Variants in SACS observed in about 807,000 individuals in gnomAD.
SACS encodes sacsin molecular chaperone, also known as sacsin.
SACS carries 197 observed loss-of-function variants against 348.0 expected under a neutral mutation model. That is an observed-to-expected ratio of 0.57 (90% confidence interval 0.50 to 0.64). SACS has a LOEUF of 0.64. Ranked by LOEUF, SACS falls within the 30% of genes least tolerant of loss-of-function variation. SACS has a pLI of 0.00. For synonymous variants in SACS, 1,985 were observed against 1,910.6 expected (o/e 1.04, Z -1.02); for missense variants, 4,999 against 5,360.8 (o/e 0.93, Z 2.11).
At chr13:23,353,581 T>C (rs956833332) in intron 9 of SACS, among the ~76,000 whole-genome samples, 1 of 152,214 alleles carries the variant, frequency 6.6e-6, no homozygotes, top group African/African-American at 2.4e-5. Context: ...GGAGAGATTT[T>C]TACACTTATC....
intron 2 of SACS, among the ~76,000 whole-genome samples, chr13:23,408,121 T>C (rs1048399471): frequency 2.0e-5 from 3 of 152,182 alleles, no homozygotes; most frequent in African/African-American, 7.2e-5. Flanking sequence ...CAGAATATGA[T>C]TTTGAGCAAG....
At chr13:23,366,571 A>C (rs6490792) in intron 5 of SACS, among the ~76,000 whole-genome samples, 133,020 of 152,218 alleles carry the variant, frequency 0.87, 58,522 homozygotes, top group East Asian at 1. Context: ...GGTAGTGAAA[A>C]ACAATGTTAA....
chr13:23,358,854 A>G (rs1462541663), intron 6 of SACS, among the ~76,000 whole-genome samples: 2 of 152,154 alleles, frequency 1.3e-5, no homozygotes, highest in African/African-American at 2.4e-5. Flanking sequence ...TAAATATAAA[A>G]TATTTCATAT....
At position 23,336,887 on chromosome 13, in the gene SACS, T is replaced by C. The variant is rs765247192; in HGVS notation, c.6989A>G (p.Asn2330Ser). The C allele has an allele frequency of 6.2e-7, 1 of 1,613,514 alleles. No homozygotes were observed. Among genetic ancestry groups the C allele is most frequent in the Non-Finnish European group, 8.5e-7 (1 of 1,179,542 alleles). ...AATAATTGACATCTTAGTGATTTCA[T>C]TTTGCATCAAGGCTTCATGAAGGTA... ...YKYLHEALMQ[N>S]EITKMSIIDK... Residue 2330 changes from asparagine (N) to serine (S), a missense_variant, in exon 10 of 10, where the codon AAT becomes AGT. Around this residue, in one of 6 missense-constraint regions of SACS, gnomAD observed 3,156 missense variants for 3,380.1 expected, o/e 0.93. Transcript: ENST00000382292.
At position 23,333,878 on chromosome 13, in the gene SACS, G is replaced by A. The variant is rs755102619; in HGVS notation, c.9998C>T (p.Ala3333Val). The A allele has an allele frequency of 1.2e-6, 2 of 1,613,816 alleles. No homozygotes were observed. Among genetic ancestry groups the A allele is most frequent in the Non-Finnish European group, 1.7e-6 (2 of 1,179,832 alleles). The change falls in exon 10 of 10, where the codon GCT (alanine) becomes GTT (valine). Residue 3333 changes from alanine (A) to valine (V), a missense_variant. Transcript: ENST00000382292. Reference sequence around the variant, plus strand: ...GTCTTTGGAACAGATTTTGTTCAAAGCAAGCTGAATACAGCCAGCTTTCAT... The same window carrying A: ...GTCTTTGGAACAGATTTTGTTCAAAACAAGCTGAATACAGCCAGCTTTCAT... ...ALMKAGCIQL[A>V]LNKICSKDSA...
intron 2 of SACS, among the ~76,000 whole-genome samples, chr13:23,387,463 G>GAAAAAAA (rs60355580): frequency 1.1e-5 from 1 of 91,364 alleles, no homozygotes; most frequent in Non-Finnish European, 2.0e-5. Context: ...CTCCGTCTCA[G>GAAAAAAA]AAAAAAAAAA....
At chr13:23,388,268 A>C (rs1006795280) in intron 2 of SACS, among the ~76,000 whole-genome samples, 27 of 148,984 alleles carry the variant, frequency 1.8e-4, no homozygotes, top group Middle Eastern at 3.4e-3. Context: ...GGGCAGGCGG[A>C]GTTTGCAGTG....
intron 2 of SACS, among the ~76,000 whole-genome samples, chr13:23,384,743 T>C (rs1872202557): frequency 6.6e-6 from 1 of 152,218 alleles, no homozygotes; most frequent in South Asian, 2.1e-4. Flanking sequence ...ATCATTGGCA[T>C]TCATGCAGGA....
chr13:23,332,785 G>C lies in SACS; in HGVS notation c.11091C>G (p.Leu3697=). The change falls in exon 10 of 10, where the codon CTC becomes CTG. Residue 3697 remains leucine, a synonymous_variant. Coordinates refer to ENST00000382292, the MANE Select transcript of SACS (RefSeq NM_014363.6). ...TAGGGCAGGATGTCCATAACAGCTG[G>C]AGTACATCACATTGCTTGAATTTTG... The part of the protein sequence containing the change: ...VNPKFKQCDV[L]QLLWTSCPIL... 1 of 1,613,930 alleles carries C rather than the reference G, an allele frequency of 6.2e-7. No homozygotes were observed. Among genetic ancestry groups the C allele is most frequent in the Non-Finnish European group, 8.5e-7 (1 of 1,179,946 alleles).
At chr13:23,417,427 G>T (rs1044928210) in intron 1 of SACS, among the ~76,000 whole-genome samples, 5 of 152,120 alleles carry the variant, frequency 3.3e-5, no homozygotes, top group Admixed American at 2.0e-4. Context: ...TGTGGCATTC[G>T]CATGGGAACA....
rs773601917 is a variant in SACS, at chr13:23,339,606, C to T, written c.4270G>A (p.Glu1424Lys). Residue 1424 changes from glutamate to lysine, a missense_variant, in exon 10 of 10, where the codon GAG becomes AAG. By Grantham distance (56) the Glu-to-Lys change is moderately conservative (BLOSUM62 1). This residue lies in a region of SACS where 3,156 missense variants were observed against 3,380.1 expected (regional missense o/e 0.93). Transcript: ENST00000382292. Reference sequence around the variant, plus strand: ...TCTGCAGTTTTCATGGGTATGTCCTCATGCACCAAAATGATTGGTTCCACA... The same window carrying T: ...TCTGCAGTTTTCATGGGTATGTCCTTATGCACCAAAATGATTGGTTCCACA... Reference protein sequence around the residue: ...DSVEPIILVHEDIPMKTAEWL... With the variant: ...DSVEPIILVHKDIPMKTAEWL... 1.2e-6 allele frequency: 2 copies of T among 1,611,908 alleles called. No individual in the cohort carries two copies. The highest frequency in any genetic ancestry group is 1.1e-5 in the South Asian group (1 of 90,926).
chr13:23,354,661 G>A lies in SACS; in HGVS notation c.1951C>T (p.Leu651=). 6.2e-7 allele frequency: 1 copy of A among 1,614,188 alleles called. No individual in the cohort carries two copies. Among genetic ancestry groups the A allele is most frequent in the Non-Finnish European group, 8.5e-7 (1 of 1,180,026 alleles). The change falls in exon 8 of 10, where the codon CTA becomes TTA. Residue 651 remains leucine (L), a synonymous_variant. Coordinates refer to ENST00000382292, the MANE Select transcript of SACS (RefSeq NM_014363.6). The stretch of plus-strand genomic sequence containing the variant: ...GCTTGGTCAGAAAGCACAAATTCTA[G>A]AAGGTGAAGCTTTTCTTCAGCACAG... ...LGCAEEKLHL[L]EFVLSDQAYS...
chr13:23,408,764 G>A (rs951780861), intron 2 of SACS, among the ~76,000 whole-genome samples: 3 of 152,104 alleles, frequency 2.0e-5, no homozygotes, highest in Non-Finnish European at 4.4e-5. Flanking sequence ...AGGAAATCGA[G>A]ACCATCCTGG....
At chr13:23,397,877 A>C (rs1366098007) in intron 2 of SACS, among the ~76,000 whole-genome samples, 2 of 152,150 alleles carry the variant, frequency 1.3e-5, no homozygotes, top group Admixed American at 1.3e-4. Flanking sequence ...TATTTTAGAG[A>C]GGCATGAGAC....
At chr13:23,372,748 T>G (rs551569305) in intron 3 of SACS, among the ~76,000 whole-genome samples, 1 of 152,244 alleles carries the variant, frequency 6.6e-6, no homozygotes, top group East Asian at 1.9e-4. Context: ...GATGATTACG[T>G]CTTTATTTTC....
Position 23,400,656 on chromosome 13 carries a change from G to A in SACS, c.20+10564C>T, listed in dbSNP as rs369407079. 5.3e-5 allele frequency among the ~76,000 whole-genome samples: 8 copies of A among 152,102 alleles called. No individual in the cohort carries two copies. The East Asian group carries it at 5.8e-4, about 11-fold the overall frequency. On this transcript the variant is annotated intron_variant, in intron 2 of 9. Coordinates refer to ENST00000382292, the MANE Select transcript of SACS (RefSeq NM_014363.6). ...AGGATGGTCTCGATCTCCTGACCTC[G>A]TGATCCGCCCGCCTCGGCCTCCCAA...
chr13:23,391,462 A>G (rs1872524589), intron 2 of SACS, among the ~76,000 whole-genome samples: 1 of 152,164 alleles, frequency 6.6e-6, no homozygotes, highest in East Asian at 1.9e-4. Flanking sequence ...AGTAAGGAAG[A>G]GAGTACGGTC....
Position 23,331,690 on chromosome 13 carries a change from A to G in SACS, c.12186T>C (p.Phe4062=), listed in dbSNP as rs2137560600. 1 of 1,613,978 alleles carries G rather than the reference A, an allele frequency of 6.2e-7. No individual in the cohort carries two copies. Among genetic ancestry groups the G allele is most frequent in the Non-Finnish European group, 8.5e-7 (1 of 1,179,966 alleles). Reference sequence around the variant, plus strand: ...CACTTCTGCTGTGGGGAATAGGATTAAAACCTTTAACTCTTAATGTTGTTT... The same window carrying G: ...CACTTCTGCTGTGGGGAATAGGATTGAAACCTTTAACTCTTAATGTTGTTT... ...KLQTTLRVKG[F]NPIPHSRSET... The change falls in exon 10 of 10, where the codon TTT becomes TTC. Residue 4062 remains phenylalanine (F), a synonymous_variant. Transcript: ENST00000382292.
At position 23,339,284 on chromosome 13, in the gene SACS, G is replaced by A. The variant is rs1334831249; in HGVS notation, c.4592C>T (p.Ser1531Leu). The A allele has an allele frequency of 2.5e-6, 4 of 1,604,814 alleles. No individual in the cohort carries two copies. Among genetic ancestry groups the A allele is most frequent in the Non-Finnish European group, 3.4e-6 (4 of 1,176,378 alleles). Residue 1531 changes from serine (S) to leucine (L), a missense_variant, in exon 10 of 10, where the codon TCA becomes TTA. Transcript: ENST00000382292. Reference protein sequence around the residue: ...ALWSFNNSQFSDSDFVNITRL... With the variant: ...ALWSFNNSQFLDSDFVNITRL... ...AGTTATGTTCACAAAATCTGAATCT[G>A]AGAATTGAGAATTGTTGAATGACCA...
Sources: gnomAD v4.1 joint callset for allele counts (sites outside exome capture counted in the v4.1 genomes callset) on GRCh38, gnomAD v4.1.1 for gene constraint, gnomAD v4.1.1 regional missense constraint, MANE v1.5 for transcripts, NCBI Gene and HGNC (gene_info 2026-07-23, HGNC 2026-07-21) for gene names.